ANKH: variants seen among roughly 807,000 people sequenced by gnomAD.
ANKH encodes mineralization regulator ANKH.
A neutral mutation model predicts 49.0 loss-of-function variants in ANKH; 15 were observed. The observed-to-expected ratio is 0.31, with a 90% CI of 0.20 to 0.47. ANKH has a LOEUF of 0.47. Among genes scored for constraint, ANKH ranks in the 20% least tolerant of loss-of-function variants. The pLI, the probability that ANKH is intolerant of heterozygous loss-of-function variation, is 1.00. For synonymous variants in ANKH, 273 were observed against 260.0 expected, an observed-to-expected ratio of 1.05 and a Z score of -0.48; for missense variants, 429 against 652.0, an observed-to-expected ratio of 0.66 and a Z score of 3.72.
intron 6 of ANKH, among the ~76,000 whole-genome samples, chr5:14,747,154 C>A (rs1738566220): frequency 6.6e-6 from 1 of 152,226 alleles, no homozygotes; most frequent in African/African-American, 2.4e-5. Flanking sequence ...ACTCTCCTTA[C>A]AACCCAACTC....
Position 14,805,457 on chromosome 5 carries a change from A to ATGTGTGTG in ANKH, c.97-36267_97-36266insCACACACA, listed in dbSNP as rs1561063715. 9.5e-5 allele frequency among the ~76,000 whole-genome samples: 7 copies of ATGTGTGTG among 73,866 alleles called. 1 individual carries two copies. In the Middle Eastern group the frequency reaches 0.023, roughly 243 times the overall value. The allele number at this position is 73,866 out of a possible 152,430, so 48.5% of individuals were successfully genotyped here. A position where few individuals can be genotyped will look rare whatever the true frequency, so the allele number is the denominator to read the frequency against. On this transcript the variant is annotated intron_variant, in intron 1 of 11. Transcript: ENST00000284268. ...TATATATGTGTGTGTGTATATATAT[A>ATGTGTGTG]TGTACACACACATATATGTTTATAG...
rs377151657 is a variant in ANKH at position 14,793,047 on chromosome 5, T to A, written c.97-23856A>T. ...ATATATATATATAAAAATATATATA[T>A]AAATATATATAAAATATATATAAAT... On this transcript the variant is annotated intron_variant, in intron 1 of 11. Transcript: ENST00000284268. 4.2e-3 allele frequency among the ~76,000 whole-genome samples: 273 copies of A among 64,546 alleles called. 6 individuals carry two copies. The highest frequency in any genetic ancestry group is 0.031 in the East Asian group (70 of 2,288). The allele number at this position is 64,546 out of a possible 152,430, so 42.3% of individuals were successfully genotyped here.
Position 14,772,284 on chromosome 5 carries a change from C to T in ANKH, c.97-3093G>A, listed in dbSNP as rs1739471045. ...GGCAGAATGAAAACTTAAGAGTTGA[C>T]ATTCTCTGCAAAGCACTGTTAGGAA... On this transcript the variant is annotated intron_variant, in intron 1 of 11. Coordinates refer to ENST00000284268, the MANE Select transcript of ANKH (RefSeq NM_054027.6). 3.3e-5 allele frequency among the ~76,000 whole-genome samples: 5 copies of T among 152,120 alleles called. No homozygotes were observed. The South Asian group carries it at 1.0e-3, about 31-fold the overall frequency.
chr5:14,806,704 C>T (rs903577850), intron 1 of ANKH, among the ~76,000 whole-genome samples: 11 of 152,306 alleles, frequency 7.2e-5, no homozygotes, highest in African/African-American at 9.6e-5. Context: ...TCTTCTATTA[C>T]GTGTGATCTG....
chr5:14,855,957 A>G (rs1321715199), intron 1 of ANKH, among the ~76,000 whole-genome samples: 1 of 151,776 alleles, frequency 6.6e-6, no homozygotes, highest in East Asian at 2.0e-4. Context: ...GCTCTGGCTT[A>G]AAGATATCCC....
rs113521329 is a variant in ANKH, at chr5:14,803,704, C to T, written c.97-34513G>A. Reference sequence around the variant, plus strand: ...GTCTCAGTTCACTCCGTGATCTTGGCGATATGCAGATCTAGCCCCTCTCCA... The same window carrying T: ...GTCTCAGTTCACTCCGTGATCTTGGTGATATGCAGATCTAGCCCCTCTCCA... On this transcript the variant is annotated intron_variant, in intron 1 of 11. Transcript: ENST00000284268. Among the ~76,000 whole-genome samples the T allele has an allele frequency of 4.0e-3, 603 of 152,250 alleles. 2 individuals are homozygous for T. Among genetic ancestry groups the T allele is most frequent in the African/African-American group, 0.014 (576 of 41,542 alleles).
At chr5:14,827,498 T>C (rs377623639) in intron 1 of ANKH, among the ~76,000 whole-genome samples, 2 of 152,184 alleles carry the variant, frequency 1.3e-5, no homozygotes, top group Non-Finnish European at 2.9e-5. Flanking sequence ...ACCTGAGTGT[T>C]ACGCAGGGTC....
intron 3 of ANKH, among the ~76,000 whole-genome samples, chr5:14,757,420 A>C (rs1301236706): frequency 1.7e-4 from 22 of 129,720 alleles, no homozygotes; most frequent in Middle Eastern, 3.9e-3. Context: ...GAACATATAT[A>C]TATATATATA....
chr5:14,787,821 T>C (rs1740028442), intron 1 of ANKH, among the ~76,000 whole-genome samples: 1 of 152,120 alleles, frequency 6.6e-6, no homozygotes, highest in South Asian at 2.1e-4. Flanking sequence ...TTCCAACAGT[T>C]TGAAACACAA....
chr5:14,793,740 T>C (rs1436645574), intron 1 of ANKH, among the ~76,000 whole-genome samples: 2 of 152,182 alleles, frequency 1.3e-5, no homozygotes. Context: ...TGACACCTAA[T>C]GGCCCAGCCA....
intron 5 of ANKH, among the ~76,000 whole-genome samples, chr5:14,749,897 T>A (rs1362737917): frequency 4.6e-5 from 7 of 152,212 alleles, no homozygotes; most frequent in African/African-American, 1.7e-4. Flanking sequence ...GGCAAAGGTG[T>A]GGAATATCTT....
At chr5:14,806,512 C>T (rs1302841513) in intron 1 of ANKH, among the ~76,000 whole-genome samples, 1 of 152,136 alleles carries the variant, frequency 6.6e-6, no homozygotes, top group African/African-American at 2.4e-5. Context: ...CCCATTCACA[C>T]TACAAACCCT....
In ANKH at chr5:14,737,222, A is replaced by C. The variant is rs1738215426; in HGVS notation, c.1011+4605T>G. On this transcript the variant is annotated intron_variant, in intron 8 of 11. Transcript: ENST00000284268. The surrounding 1 kb of genome is among the most constrained non-coding windows in gnomAD (Gnocchi z 5.0). Reference sequence around the variant, plus strand: ...TAGGGAGGTCCGTCACTCTTTTGGGACATTTCTTCCCCACCAAAAGGACTG... The same window carrying C: ...TAGGGAGGTCCGTCACTCTTTTGGGCCATTTCTTCCCCACCAAAAGGACTG... 6.6e-6 allele frequency among the ~76,000 whole-genome samples: 1 copy of C among 152,096 alleles called. No homozygotes were observed. The highest frequency in any genetic ancestry group is 2.4e-5 in the African/African-American group (1 of 41,414).
chr5:14,756,712 A>C (rs899313721), intron 3 of ANKH, among the ~76,000 whole-genome samples: 2 of 152,144 alleles, frequency 1.3e-5, no homozygotes, highest in Non-Finnish European at 2.9e-5. Context: ...TGTTGTCTGA[A>C]AGCCACCATA....
rs1741060729 is a variant in ANKH, at chr5:14,817,080, G to C, written c.97-47889C>G. Among the ~76,000 whole-genome samples the C allele has an allele frequency of 2.0e-5, 3 of 152,276 alleles. No individual in the cohort carries two copies. The South Asian group carries it at 6.2e-4, about 32-fold the overall frequency. The stretch of plus-strand genomic sequence containing the variant: ...AGTGCTTCAATTCTTTTAGACATAA[G>C]CTCCCATTTTTCTGTTGTTTTTGCC... On this transcript the variant is annotated intron_variant, in intron 1 of 11. Transcript: ENST00000284268.
At chr5:14,733,177 G>T (rs971024244) in intron 8 of ANKH, among the ~76,000 whole-genome samples, 2 of 152,208 alleles carry the variant, frequency 1.3e-5, no homozygotes, top group African/African-American at 4.8e-5. Flanking sequence ...TAGTGAGCAG[G>T]TTTCGAGGCA....
At chr5:14,862,526 G>A (rs909092889) in intron 1 of ANKH, among the ~76,000 whole-genome samples, 2 of 152,060 alleles carry the variant, frequency 1.3e-5, no homozygotes, top group African/African-American at 4.8e-5. Context: ...TTCATCTTCT[G>A]CAGACCAGAG....
chr5:14,848,033 G>C (rs965332611), intron 1 of ANKH, among the ~76,000 whole-genome samples: 13 of 152,094 alleles, frequency 8.5e-5, no homozygotes, highest in Non-Finnish European at 1.9e-4. Flanking sequence ...CCAGCTACTC[G>C]GGAGGCTGAG....
intron 8 of ANKH, among the ~76,000 whole-genome samples, chr5:14,735,808 C>T (rs28428978): frequency 6.6e-6 from 1 of 152,142 alleles, no homozygotes; most frequent in Admixed American, 6.6e-5. Context: ...AGAACCTCAT[C>T]TTAACCCTAT....
Sources: gnomAD v4.1 joint callset for allele counts (sites outside exome capture counted in the v4.1 genomes callset) on GRCh38, gnomAD v4.1.1 for gene constraint, Gnocchi (gnomAD v3.1) non-coding constraint, MANE v1.5 for transcripts, NCBI Gene and HGNC (gene_info 2026-07-23, HGNC 2026-07-21) for gene names.